PDE3B: variants seen among roughly 807,000 people sequenced by gnomAD.
The protein encoded by PDE3B is phosphodiesterase 3B.
Under a neutral mutation model 116.8 loss-of-function variants are expected in PDE3B, and 66 were observed. That is an observed-to-expected ratio of 0.56 (90% CI 0.46 to 0.69). The LOEUF (loss-of-function observed/expected upper bound fraction) is 0.69, where lower values mean the gene tolerates loss of function less well. Among genes scored for constraint, PDE3B ranks in the 30% least tolerant of loss-of-function variants. The pLI is 0.00. For missense variants in PDE3B, 1,384 were observed against 1,368.1 expected (o/e 1.01, Z -0.18); for synonymous variants, 595 against 533.6 (o/e 1.12, Z -1.59).
At chr11:14,646,283 C>G (rs1057435317) in intron 1 of PDE3B, among the ~76,000 whole-genome samples, 6 of 152,118 alleles carry the variant, frequency 3.9e-5, no homozygotes, top group Non-Finnish European at 7.4e-5. Context: ...GTCTTCTCTT[C>G]GAAATAATCT....
chr11:14,785,033 G>GT (rs898422786), intron 2 of PDE3B, among the ~76,000 whole-genome samples: 2 of 152,008 alleles, frequency 1.3e-5, no homozygotes, highest in South Asian at 2.1e-4. Context: ...GCAATTAGAG[G>GT]TTTTTTTGCC....
intron 1 of PDE3B, among the ~76,000 whole-genome samples, chr11:14,736,690 A>G (rs1242673233): frequency 6.6e-6 from 1 of 152,218 alleles, no homozygotes; most frequent in Non-Finnish European, 1.5e-5. Flanking sequence ...TATTTTTTTA[A>G]GACACTATAG....
chr11:14,810,375 T>C (rs1314882116), intron 5 of PDE3B, among the ~76,000 whole-genome samples: 1 of 143,020 alleles, frequency 7.0e-6, no homozygotes, highest in Admixed American at 7.5e-5. Flanking sequence ...TGTCCATGTG[T>C]TCTCATTGTT....
In PDE3B at chr11:14,862,922, CAT is replaced by C. The variant is rs546822594; in HGVS notation, c.2886+1557_2886+1558del. On this transcript the variant is annotated intron_variant, in intron 14 of 15. Transcript: ENST00000282096. ...AAATTATTCTTTAAGTTCTGGGACA[CAT>C]GTGCAGAAGGTGCAGTTTTGTTATA... 2.1e-3 allele frequency among the ~76,000 whole-genome samples: 316 copies of C among 152,138 alleles called. 5 individuals carry two copies. The highest frequency in any genetic ancestry group is 0.019 in the Admixed American group (287 of 15,274).
chr11:14,856,541 T>TA (rs1847853979), intron 12 of PDE3B, among the ~76,000 whole-genome samples: 1 of 152,182 alleles, frequency 6.6e-6, no homozygotes, highest in Admixed American at 6.5e-5. Context: ...CAATCTTTCT[T>TA]AATCTTTTTC....
At chr11:14,762,482 TAAAC>T (rs1857389200) in intron 1 of PDE3B, among the ~76,000 whole-genome samples, 1 of 152,164 alleles carries the variant, frequency 6.6e-6, no homozygotes, top group Admixed American at 6.6e-5. Context: ...GAATAGTAAA[TAAAC>T]CAACTTAGCT....
At position 14,662,312 on chromosome 11, in the gene PDE3B, C is replaced by T. The variant is rs867013233; in HGVS notation, c.978+17259C>T. 2.0e-4 allele frequency among the ~76,000 whole-genome samples: 30 copies of T among 152,290 alleles called. 1 individual carries two copies. In the Middle Eastern group the frequency reaches 0.01, roughly 52 times the overall value. ...CCACACCAAAAACCCATCTGTACAT[C>T]ACCATCATCAAAGACCAGAAGTAGA... On this transcript the variant is annotated intron_variant, in intron 1 of 15. Coordinates refer to ENST00000282096, the MANE Select transcript of PDE3B (RefSeq NM_000922.4).
At chr11:14,661,736 C>T (rs1186446630) in intron 1 of PDE3B, among the ~76,000 whole-genome samples, 6 of 152,176 alleles carry the variant, frequency 3.9e-5, no homozygotes, top group Non-Finnish European at 7.3e-5. Context: ...AACTGCAAGG[C>T]GGCAGTTAGG....
chr11:14,689,900 T>C (rs1472576012), intron 1 of PDE3B, among the ~76,000 whole-genome samples: 2 of 152,230 alleles, frequency 1.3e-5, no homozygotes, highest in African/African-American at 4.8e-5. Context: ...TGACTTACCC[T>C]CATGTCATAT....
intron 1 of PDE3B, among the ~76,000 whole-genome samples, chr11:14,712,368 A>C (rs1002781278): frequency 2.6e-5 from 4 of 151,816 alleles, no homozygotes; most frequent in African/African-American, 9.7e-5. Context: ...TATAGGAGTG[A>C]GCCACCACGC....
intron 2 of PDE3B, among the ~76,000 whole-genome samples, chr11:14,784,148 A>ATT (rs1270792272): frequency 6.6e-6 from 1 of 152,190 alleles, no homozygotes; most frequent in Non-Finnish European, 1.5e-5. Flanking sequence ...CTGTGGAAAA[A>ATT]TTGTGTTCCA....
At chr11:14,813,002 C>G (rs995242899) in intron 5 of PDE3B, among the ~76,000 whole-genome samples, 5 of 152,242 alleles carry the variant, frequency 3.3e-5, no homozygotes, top group South Asian at 4.1e-4. Context: ...TGTGAGGACA[C>G]GAGAAGATGG....
At chr11:14,691,513 A>G (rs1171795306) in intron 1 of PDE3B, among the ~76,000 whole-genome samples, 3 of 152,264 alleles carry the variant, frequency 2.0e-5, no homozygotes, top group Admixed American at 1.3e-4. Flanking sequence ...AGTTTTATAG[A>G]TGGTATGGAA....
intron 2 of PDE3B, among the ~76,000 whole-genome samples, chr11:14,782,549 C>T (rs1297928824): frequency 6.6e-6 from 1 of 152,170 alleles, no homozygotes; most frequent in Non-Finnish European, 1.5e-5. Context: ...AGAAAACTGG[C>T]TAGCCATATG....
At chr11:14,682,178 A>G (rs1241711500) in intron 1 of PDE3B, among the ~76,000 whole-genome samples, 1 of 152,122 alleles carries the variant, frequency 6.6e-6, no homozygotes, top group Non-Finnish European at 1.5e-5. Context: ...AGGAAGAGGA[A>G]CAGTTAGTCT....
intron 4 of PDE3B, among the ~76,000 whole-genome samples, chr11:14,793,048 A>G (rs138514898): frequency 6.6e-6 from 1 of 152,344 alleles, no homozygotes; most frequent in East Asian, 1.9e-4. Flanking sequence ...TGGCTGCTTA[A>G]CAAGTGTCCT....
At chr11:14,738,931 T>A (rs1379206403) in intron 1 of PDE3B, among the ~76,000 whole-genome samples, 1 of 152,232 alleles carries the variant, frequency 6.6e-6, no homozygotes, top group Non-Finnish European at 1.5e-5. Flanking sequence ...GTATTATTTC[T>A]GAGGCTCCTG....
chr11:14,890,991 C>T, the PDE3B span: 2 of 985,466 alleles, frequency 2.0e-6, no homozygotes, highest in East Asian at 2.3e-4. Context: ...TTTTCTCTCT[C>T]CCACTCATCT....
chr11:14,856,375 A>G (rs1006331652), intron 12 of PDE3B, among the ~76,000 whole-genome samples: 1 of 152,210 alleles, frequency 6.6e-6, no homozygotes, highest in Non-Finnish European at 1.5e-5. Flanking sequence ...AGAACAGTGT[A>G]AAAGAATCCT....
Sources: gnomAD v4.1 joint callset for allele counts (sites outside exome capture counted in the v4.1 genomes callset) on GRCh38, gnomAD v4.1.1 for gene constraint, MANE v1.5 for transcripts, NCBI Gene and HGNC (gene_info 2026-07-23, HGNC 2026-07-21) for gene names.